FGF12: variants seen among roughly 807,000 people sequenced by gnomAD.
The protein encoded by FGF12 is fibroblast growth factor 12, also known as fibroblast growth factor 12B.
Under a neutral mutation model 23.6 loss-of-function variants are expected in FGF12, and 14 were observed. The ratio of observed to expected loss-of-function variants is 0.59; its 90% CI spans 0.39 to 0.93. The LOEUF (loss-of-function observed/expected upper bound fraction) is 0.93. FGF12 is among the 40% of genes least tolerant of loss of function. The pLI is 0.00. For missense variants in FGF12, 175 were observed against 217.8 expected, an observed-to-expected ratio of 0.80 and a Z score of 1.24; for synonymous variants, 62 against 77.3, an observed-to-expected ratio of 0.80 and a Z score of 1.04.
At chr3:192,329,926 T>C (rs1367942517) in intron 4 of FGF12, among the ~76,000 whole-genome samples, 1 of 152,170 alleles carries the variant, frequency 6.6e-6, no homozygotes, top group Non-Finnish European at 1.5e-5. Context: ...TAACCTTCTT[T>C]TGTTTGAGAA....
At chr3:192,497,066 T>A (rs1723979888) in intron 2 of FGF12, among the ~76,000 whole-genome samples, 1 of 152,156 alleles carries the variant, frequency 6.6e-6, no homozygotes, top group Non-Finnish European at 1.5e-5. Context: ...ATTCCAGAAT[T>A]TTATCTTTCT....
At chr3:192,464,751 G>A (rs1363819508) in intron 2 of FGF12, among the ~76,000 whole-genome samples, 1 of 152,124 alleles carries the variant, frequency 6.6e-6, no homozygotes, top group Admixed American at 6.6e-5. Flanking sequence ...TTACACAACT[G>A]GATTACAGCT....
At chr3:192,503,575 GTTT>G (rs150929471) in intron 2 of FGF12, among the ~76,000 whole-genome samples, 59 of 134,632 alleles carry the variant, frequency 4.4e-4, no homozygotes, top group Non-Finnish European at 4.9e-4. Context: ...TTTTGTTTTG[GTTT>G]TTTTTTTTTG....
chr3:192,501,775 T>C (rs1191359009), intron 2 of FGF12, among the ~76,000 whole-genome samples: 1 of 152,252 alleles, frequency 6.6e-6, no homozygotes, highest in Non-Finnish European at 1.5e-5. Flanking sequence ...TGATTAAGAA[T>C]GGCACACTTT....
At chr3:192,485,133 AT>A (rs1388474284) in intron 2 of FGF12, among the ~76,000 whole-genome samples, 1 of 152,150 alleles carries the variant, frequency 6.6e-6, no homozygotes, top group Admixed American at 6.5e-5. Context: ...TATGTATTAT[AT>A]CTATAAACAG....
intron 2 of FGF12, among the ~76,000 whole-genome samples, chr3:192,572,598 C>G (rs941155293): frequency 6.6e-6 from 1 of 152,040 alleles, no homozygotes; most frequent in Non-Finnish European, 1.5e-5. Context: ...TAATTTGAAC[C>G]CAAGGACTTA....
intron 4 of FGF12, among the ~76,000 whole-genome samples, chr3:192,273,159 A>C (rs1330280500): frequency 6.6e-6 from 1 of 152,152 alleles, no homozygotes; most frequent in Non-Finnish European, 1.5e-5. Context: ...TCTTCTTCCA[A>C]CAAAAGCTAC....
intron 2 of FGF12, among the ~76,000 whole-genome samples, chr3:192,439,698 C>T (rs1722136611): frequency 6.6e-6 from 1 of 152,102 alleles, no homozygotes; most frequent in South Asian, 2.1e-4. Flanking sequence ...ATAACATGGC[C>T]AGGCGTGGTG....
chr3:192,716,203 G>C (rs1197622642), intron 2 of FGF12, among the ~76,000 whole-genome samples: 1 of 152,168 alleles, frequency 6.6e-6, no homozygotes, highest in African/African-American at 2.4e-5. Flanking sequence ...GAAACCCTAG[G>C]GGTGGGGCCC....
intron 4 of FGF12, among the ~76,000 whole-genome samples, chr3:192,312,762 T>A (rs1716024921): frequency 6.9e-6 from 1 of 144,950 alleles, no homozygotes; most frequent in South Asian, 2.2e-4. Flanking sequence ...AAAAAAAAAA[T>A]TATGCCAAGA....
chr3:192,224,819 A>G (rs1209026511), intron 4 of FGF12, among the ~76,000 whole-genome samples: 4 of 152,190 alleles, frequency 2.6e-5, no homozygotes, highest in South Asian at 4.1e-4. Flanking sequence ...TCGAGTTGCC[A>G]TTGCCACTGA....
At chr3:192,673,505 C>T (rs1263830488) in intron 2 of FGF12, among the ~76,000 whole-genome samples, 1 of 150,698 alleles carries the variant, frequency 6.6e-6, no homozygotes, top group Non-Finnish European at 1.5e-5. Context: ...ATTAAGCCCC[C>T]CATGCATTAG....
intron 2 of FGF12, among the ~76,000 whole-genome samples, chr3:192,691,518 A>T (rs1717943024): frequency 6.6e-6 from 1 of 152,080 alleles, no homozygotes; most frequent in South Asian, 2.1e-4. Context: ...CACACTAAAA[A>T]CTATGGATAC....
intron 2 of FGF12, among the ~76,000 whole-genome samples, chr3:192,464,348 G>A (rs1217285387): frequency 6.8e-6 from 1 of 146,580 alleles, no homozygotes. Flanking sequence ...CTTTACATCC[G>A]CATAGCTTAG....
intron 2 of FGF12, among the ~76,000 whole-genome samples, chr3:192,412,770 TAA>T (rs1450254947): frequency 6.6e-6 from 1 of 152,218 alleles, no homozygotes; most frequent in Admixed American, 6.5e-5. Context: ...CTAAATCTCA[TAA>T]GTCTTTCTCC....
chr3:192,658,685 T>C (rs959894043), intron 2 of FGF12, among the ~76,000 whole-genome samples: 1 of 152,024 alleles, frequency 6.6e-6, no homozygotes. Context: ...GAAAATAATT[T>C]ATTTGTCCAG....
At chr3:192,589,739 G>C (rs1239970829) in intron 2 of FGF12, among the ~76,000 whole-genome samples, 2 of 151,838 alleles carry the variant, frequency 1.3e-5, no homozygotes, top group African/African-American at 4.8e-5. Flanking sequence ...TCGAAGTAAG[G>C]TCCCCTGGCA....
rs139189823 is a variant in FGF12 at position 192,163,341 on chromosome 3, T to C, written c.427+7117A>G. Among the ~76,000 whole-genome samples, 515 of 152,300 alleles carry C rather than the reference T, an allele frequency of 3.4e-3. 1 individual carries two copies. The highest frequency in any genetic ancestry group is 0.011 in the African/African-American group (441 of 41,570). ...ATTGGCATTACCTCTACTGACTTCA[T>C]ATAGGAATTTAACCCTGGACTAAAA... On this transcript the variant is annotated intron_variant, in intron 5 of 5. Transcript: ENST00000445105.
intron 4 of FGF12, among the ~76,000 whole-genome samples, chr3:192,328,108 C>T (rs1332483584): frequency 1.3e-5 from 2 of 152,090 alleles, no homozygotes; most frequent in Admixed American, 6.6e-5. Flanking sequence ...TGAGTGAGGG[C>T]GTGGGACTGG....
Sources: gnomAD v4.1 joint callset for allele counts (sites outside exome capture counted in the v4.1 genomes callset) on GRCh38, gnomAD v4.1.1 for gene constraint, MANE v1.5 for transcripts, NCBI Gene and HGNC (gene_info 2026-07-23, HGNC 2026-07-21) for gene names.